Variants in MAGI2 observed in about 807,000 individuals in gnomAD.
The protein encoded by MAGI2 is membrane-associated guanylate kinase, WW and PDZ domain-containing protein 2.
A neutral mutation model predicts 133.3 loss-of-function variants in MAGI2; 35 were observed. The observed-to-expected ratio is 0.26, with a 90% CI of 0.20 to 0.35. The LOEUF is 0.35. MAGI2 is among the 10% of genes least tolerant of loss of function. MAGI2 has a pLI of 1.00. For missense variants in MAGI2, 1,636 were observed against 1,863.4 expected (o/e 0.88, Z 2.25); for synonymous variants, 729 against 710.6 (o/e 1.03, Z -0.41).
chr7:79,360,335 C>A (rs1391760283), intron 1 of MAGI2, among the ~76,000 whole-genome samples: 2 of 151,990 alleles, frequency 1.3e-5, no homozygotes, highest in African/African-American at 2.4e-5. Context: ...CCTCTGACAA[C>A]TATTCTTGGG....
At chr7:78,547,649 A>G (rs763452) in intron 3 of MAGI2, among the ~76,000 whole-genome samples, 94,880 of 152,054 alleles carry the variant, frequency 0.62, 29,738 homozygotes, top group South Asian at 0.75. Flanking sequence ...ATCACAAGGC[A>G]CGCGCGCACA....
At chr7:78,912,487 A>G (rs1231007028) in intron 2 of MAGI2, among the ~76,000 whole-genome samples, 1 of 152,008 alleles carries the variant, frequency 6.6e-6, no homozygotes, top group Non-Finnish European at 1.5e-5. Context: ...CTGGGTGGGC[A>G]CAATCTAATC....
intron 2 of MAGI2, among the ~76,000 whole-genome samples, chr7:78,720,786 C>A (rs554869412): frequency 2.0e-5 from 3 of 152,066 alleles, no homozygotes; most frequent in East Asian, 1.9e-4. Flanking sequence ...ATCAGAAAAC[C>A]AAATAATCAA....
chr7:78,281,754 G>C (rs550588513), intron 9 of MAGI2, among the ~76,000 whole-genome samples: 4 of 151,822 alleles, frequency 2.6e-5, no homozygotes, highest in African/African-American at 9.6e-5. Context: ...TATTTTCCAG[G>C]TGATATTTAA....
chr7:78,627,375 T>C (rs1404680124), intron 2 of MAGI2, 136 bp from the exon 3 acceptor site: 8 of 757,436 alleles, frequency 1.1e-5, no homozygotes, highest in Non-Finnish European at 1.5e-5. Context: ...CATTTGTCCT[T>C]CTGTTTGTTT....
intron 6 of MAGI2, among the ~76,000 whole-genome samples, chr7:78,369,951 G>T (rs970765050): frequency 2.0e-5 from 3 of 151,542 alleles, no homozygotes; most frequent in Admixed American, 1.3e-4. Context: ...ATACACCAAG[G>T]TTTTATAATT....
At position 78,521,180 on chromosome 7, in the gene MAGI2, T is replaced by C. The variant is rs548519627; in HGVS notation, c.754+250A>G. Among the ~76,000 whole-genome samples the C allele has an allele frequency of 3.9e-3, 525 of 136,290 alleles. 4 individuals carry two copies. The highest frequency in any genetic ancestry group is 7.0e-3 in the South Asian group (29 of 4,170). The allele number at this position is 136,290 out of a possible 152,430, so 89.4% of individuals were successfully genotyped here. ...AAAAATTAAAGTAGTTGAAAAAATA[T>C]GCCAAAAATGTTTTTGGCATATTCT... On this transcript the variant is annotated intron_variant, in intron 4 of 21. Transcript: ENST00000354212.
At chr7:78,300,381 A>G (rs1024175806) in intron 9 of MAGI2, among the ~76,000 whole-genome samples, 1 of 152,216 alleles carries the variant, frequency 6.6e-6, no homozygotes, top group African/African-American at 2.4e-5. Flanking sequence ...GCTTCACCAG[A>G]CTGCCAAAGA....
intron 2 of MAGI2, among the ~76,000 whole-genome samples, chr7:78,821,823 A>G (rs1790144386): frequency 6.6e-6 from 1 of 152,022 alleles, no homozygotes; most frequent in African/African-American, 2.4e-5. Flanking sequence ...TTAACCTTTT[A>G]AAGTGTTCAT....
chr7:78,272,539 G>A (rs1376533542), intron 9 of MAGI2, among the ~76,000 whole-genome samples: 2 of 152,124 alleles, frequency 1.3e-5, no homozygotes, highest in African/African-American at 2.4e-5. Context: ...TGACAGTGGT[G>A]TGTTAAAGTC....
intron 1 of MAGI2, among the ~76,000 whole-genome samples, chr7:79,227,332 GTGT>G (rs1830947187): frequency 6.6e-6 from 1 of 152,162 alleles, no homozygotes. Flanking sequence ...TCCATGCGGA[GTGT>G]TGTTGTCTTA....
chr7:78,485,906 A>G (rs537053358), intron 6 of MAGI2: 2 of 152,174 alleles, frequency 1.3e-5, no homozygotes, highest in African/African-American at 4.8e-5. Context: ...AGCTTATTAG[A>G]CATGAGAAAA....
intron 2 of MAGI2, among the ~76,000 whole-genome samples, chr7:78,762,270 C>A (rs1373524062): frequency 6.6e-6 from 1 of 151,776 alleles, no homozygotes; most frequent in East Asian, 1.9e-4. Flanking sequence ...ATGGTAAAAC[C>A]CCATCCCTAC....
chr7:78,573,302 T>TTATATATATAAATATATAAATATATA (rs1801866824), intron 3 of MAGI2, among the ~76,000 whole-genome samples: 1 of 34,870 alleles, frequency 2.9e-5, no homozygotes, highest in African/African-American at 1.7e-4. Flanking sequence ...ATATATATAT[T>TTATATATATAAATATATAAATATATA]TATATATATA....
intron 2 of MAGI2, among the ~76,000 whole-genome samples, chr7:78,795,034 T>G (rs1451903287): frequency 6.6e-6 from 1 of 152,146 alleles, no homozygotes; most frequent in Non-Finnish European, 1.5e-5. Flanking sequence ...CTATCTCCAC[T>G]TTTATTCAAC....
At chr7:79,027,818 A>T (rs1298319130) in intron 1 of MAGI2, among the ~76,000 whole-genome samples, 2 of 152,156 alleles carry the variant, frequency 1.3e-5, no homozygotes. Context: ...AATATAGAAT[A>T]ATTTAAAAAA....
Position 78,197,152 on chromosome 7 carries a change from A to T in MAGI2, c.2080-2089T>A, listed in dbSNP as rs531685671. Among the ~76,000 whole-genome samples the T allele has an allele frequency of 2.3e-4, 35 of 152,350 alleles. No homozygotes were observed. The East Asian group carries it at 6.6e-3, about 29-fold the overall frequency. The stretch of plus-strand genomic sequence containing the variant: ...ATTTGATCGCAAAATTCATACAGAA[A>T]GCTATTCTGGGTTTCCTTGGTCATC... On this transcript the variant is annotated intron_variant, in intron 11 of 21. Transcript: ENST00000354212.
intron 1 of MAGI2, among the ~76,000 whole-genome samples, chr7:79,144,148 T>A (rs1822396868): frequency 6.6e-6 from 1 of 152,228 alleles, no homozygotes; most frequent in South Asian, 2.1e-4. Context: ...GTAGGCAAAG[T>A]ACCCACAGCA....
chr7:78,326,304 A>T (rs1788580552), intron 9 of MAGI2, among the ~76,000 whole-genome samples: 1 of 152,242 alleles, frequency 6.6e-6, no homozygotes, highest in Non-Finnish European at 1.5e-5. Flanking sequence ...TCTCTGAATC[A>T]TACTTCTGTG....
Sources: allele counts gnomAD v4.1 joint callset (sites outside exome capture counted in the v4.1 genomes callset), GRCh38; gene constraint gnomAD v4.1.1; transcripts MANE v1.5; gene names NCBI Gene and HGNC (gene_info 2026-07-23, HGNC 2026-07-21).